The following TUT7 variants were observed in gnomAD, a reference collection of about 807,000 sequenced individuals.
The protein encoded by TUT7 is terminal uridylyltransferase 7.
A neutral mutation model predicts 165.9 loss-of-function variants in TUT7; 33 were observed. The ratio of observed to expected loss-of-function variants is 0.20; its 90% CI spans 0.15 to 0.27. The LOEUF (loss-of-function observed/expected upper bound fraction) is 0.27, where lower values mean the gene tolerates loss of function less well. Ranked by LOEUF, TUT7 falls within the 10% of genes least tolerant of loss-of-function variation. The pLI is 1.00. For missense variants in TUT7, 1,338 were observed against 1,762.3 expected (o/e 0.76, Z 4.31); for synonymous variants, 552 against 608.1 (o/e 0.91, Z 1.36).
In TUT7 at chr9:86,304,828, TA is replaced by T. The variant is rs777306742; in HGVS notation, c.3978+27del. On this transcript the variant is annotated intron_variant, in intron 24 of 26. Transcript: ENST00000375963. ...AAATTAGGCACTTTTTTTTATTTTTTATTTTTTGGTATTTCCAACACACTTA... is the reference window on the plus strand; with the variant it reads ...AAATTAGGCACTTTTTTTTATTTTTTTTTTTTGGTATTTCCAACACACTTA... 8.7e-6 allele frequency: 13 copies of T among 1,492,636 alleles called. No individual in the cohort carries two copies. The African/African-American group carries it at 1.7e-4, about 19-fold the overall frequency. The allele number at this position is 1,492,636 out of a possible 1,614,324, so 92.5% of individuals were successfully genotyped here.
intron 1 of TUT7, among the ~76,000 whole-genome samples, chr9:86,353,795 G>A (rs1399465358): frequency 2.0e-5 from 3 of 152,152 alleles, no homozygotes; most frequent in Non-Finnish European, 4.4e-5. Context: ...CGACCAAGGT[G>A]CAGCTGTAAT....
chr9:86,350,301 A>T (rs375484472), intron 2 of TUT7, among the ~76,000 whole-genome samples: 15 of 152,248 alleles, frequency 9.9e-5, no homozygotes, highest in African/African-American at 3.4e-4. Context: ...ACTGCACTCC[A>T]GCCTGGGCTA....
intron 22 of TUT7, 40 bp from the exon 23 acceptor site, chr9:86,305,279 A>T (rs1370469358): frequency 1.5e-6 from 2 of 1,351,072 alleles, no homozygotes; most frequent in Non-Finnish European, 2.1e-6. Flanking sequence ...GTAATCAAAT[A>T]GAAAATGCCA....
rs1180222368 is a variant in TUT7 at position 86,311,094 on chromosome 9, A to G, written c.3275-285T>C. On this transcript the variant is annotated intron_variant, in intron 17 of 26. Coordinates refer to ENST00000375963, the MANE Select transcript of TUT7 (RefSeq NM_024617.4). The surrounding 1 kb of genome is among the most constrained non-coding windows in gnomAD (Gnocchi z 4.4). The stretch of plus-strand genomic sequence containing the variant: ...TGTGCACACGTGTGCATGTGTGTAT[A>G]TGCATGTGTATGTCGTTGTCACTAA... Among the ~76,000 whole-genome samples the G allele has an allele frequency of 2.6e-5, 4 of 152,204 alleles. No homozygotes were observed. The highest frequency in any genetic ancestry group is 9.6e-5 in the African/African-American group (4 of 41,460).
In TUT7 at chr9:86,311,315, T is replaced by C. The variant is rs1301731775; in HGVS notation, c.3275-506A>G. 2.0e-5 allele frequency among the ~76,000 whole-genome samples: 3 copies of C among 152,152 alleles called. No individual in the cohort carries two copies. Among genetic ancestry groups the C allele is most frequent in the Non-Finnish European group, 2.9e-5 (2 of 68,034 alleles). ...ATAGGAGAGAGGAAATTGCCTGAGC[T>C]AAGCTTTGAAAAAGAGGGAGAAAAA... On this transcript the variant is annotated intron_variant, in intron 17 of 26. Coordinates refer to ENST00000375963, the MANE Select transcript of TUT7 (RefSeq NM_024617.4). This position sits in a 1 kb window ranked among gnomAD's most constrained non-coding sequence, Gnocchi z 4.4.
Position 86,319,058 on chromosome 9 carries a change from C to G in TUT7, c.3116G>C (p.Gly1039Ala), listed in dbSNP as rs1205797370. 1 of 1,609,902 alleles carries G rather than the reference C, an allele frequency of 6.2e-7. No homozygotes were observed. Among genetic ancestry groups the G allele is most frequent in the Non-Finnish European group, 8.5e-7 (1 of 1,177,188 alleles). ...GGAGCCAAACAGGCTCAATTTAGTT[C>G]CTGTTAGGGATATATGAAAAGTAAT... ...LESFIRQDFP[G>A]TKLSLFGSSK... Residue 1039 changes from glycine to alanine, a missense_variant and splice_region_variant, in exon 16 of 27, where the codon GGA (glycine) becomes GCA (alanine). Around this residue, in one of 7 missense-constraint regions of TUT7, gnomAD observed 157 missense variants for 357.5 expected, o/e 0.44. Transcript: ENST00000375963.
At chr9:86,306,342 A>C (rs1473375910) in intron 22 of TUT7, among the ~76,000 whole-genome samples, 1 of 152,204 alleles carries the variant, frequency 6.6e-6, no homozygotes, top group Non-Finnish European at 1.5e-5. Flanking sequence ...AGTTTATCGA[A>C]GTATAGGACC....
intron 26 of TUT7, among the ~76,000 whole-genome samples, chr9:86,299,966 A>G (rs1458117967): frequency 1.3e-5 from 2 of 152,222 alleles, no homozygotes; most frequent in East Asian, 1.9e-4. Flanking sequence ...AAGCTGTTGT[A>G]AAAATTAAAT....
At chr9:86,328,197 G>T in intron 11 of TUT7, 143 bp downstream of exon 11, 1 of 662,834 alleles carries the variant, frequency 1.5e-6, no homozygotes, top group East Asian at 3.1e-5. Flanking sequence ...CTCATTACTT[G>T]TCTGTTCGAG....
chr9:86,321,583 G>A (rs985650632), intron 14 of TUT7, among the ~76,000 whole-genome samples: 16 of 152,062 alleles, frequency 1.1e-4, no homozygotes, highest in African/African-American at 3.6e-4. Flanking sequence ...ATAAGAATGA[G>A]CTGGGTGTGG....
At chr9:86,308,882 T>C (rs926103033) in intron 21 of TUT7, among the ~76,000 whole-genome samples, 3 of 152,206 alleles carry the variant, frequency 2.0e-5, no homozygotes, top group Non-Finnish European at 4.4e-5. Context: ...TGGTAATACG[T>C]AGGTTATTAG....
chr9:86,299,200 T>C (rs1826653187), intron 26 of TUT7, among the ~76,000 whole-genome samples: 1 of 152,208 alleles, frequency 6.6e-6, no homozygotes, highest in Non-Finnish European at 1.5e-5. Context: ...TAGGTTTACC[T>C]GAACAAATAA....
chr9:86,353,973 A>C (rs1832527354), intron 1 of TUT7, among the ~76,000 whole-genome samples: 1 of 151,908 alleles, frequency 6.6e-6, no homozygotes, highest in Non-Finnish European at 1.5e-5. Flanking sequence ...CTTAGTTTCC[A>C]CCCTTTTGAG....
intron 5 of TUT7, chr9:86,344,721 C>T (rs1831606587): frequency 2.3e-6 from 1 of 441,948 alleles, no homozygotes; most frequent in Non-Finnish European, 3.9e-6. Context: ...CACAGTGCCC[C>T]AATAATGCAG....
chr9:86,344,782 G>A (rs1831612116), intron 5 of TUT7, 195 bp downstream of exon 5: 2 of 562,882 alleles, frequency 3.6e-6, no homozygotes, highest in Admixed American at 7.2e-5. Context: ...ATGGAAACAG[G>A]TTTATAATGA....
At chr9:86,318,596 T>C (rs574256602) in intron 16 of TUT7, among the ~76,000 whole-genome samples, 6 of 152,366 alleles carry the variant, frequency 3.9e-5, no homozygotes, top group South Asian at 4.1e-4. Flanking sequence ...AGTACTCTTA[T>C]GATTTACCAC....
chr9:86,316,753 T>C (rs903238174), intron 17 of TUT7, among the ~76,000 whole-genome samples: 6 of 152,226 alleles, frequency 3.9e-5, no homozygotes, highest in African/African-American at 1.4e-4. Flanking sequence ...TTGCAATTAT[T>C]CTATGAATGA....
At position 86,322,862 on chromosome 9, in the gene TUT7, G is replaced by C. The variant is rs780950255; in HGVS notation, c.2877+11C>G. On this transcript the variant is annotated intron_variant, in intron 13 of 26. Coordinates refer to ENST00000375963, the MANE Select transcript of TUT7 (RefSeq NM_024617.4). ...TCTCCTAGTTCTATGACTAGTGGTG[G>C]TACTGATTACCTTGCCTTTGGTGAA... 1 of 1,578,540 alleles carries C rather than the reference G, an allele frequency of 6.3e-7. No homozygotes were observed. The highest frequency in any genetic ancestry group is 1.2e-5 in the South Asian group (1 of 82,792).
chr9:86,298,913 G>T (rs1351317684), intron 26 of TUT7: 7 of 683,102 alleles, frequency 1.0e-5, no homozygotes, highest in South Asian at 1.3e-4. Flanking sequence ...TATCCAAGGA[G>T]AGCTGAAATA....
Sources: allele counts gnomAD v4.1 joint callset (sites outside exome capture counted in the v4.1 genomes callset), GRCh38; gene constraint gnomAD v4.1.1; regional missense constraint gnomAD v4.1.1; non-coding constraint Gnocchi (gnomAD v3.1); transcripts MANE v1.5; gene names NCBI Gene and HGNC (gene_info 2026-07-23, HGNC 2026-07-21).